The following FEZ1 variants were observed in gnomAD, a reference collection of about 807,000 sequenced individuals.
FEZ1 encodes fasciculation and elongation protein zeta-1.
A neutral mutation model predicts 49.3 loss-of-function variants in FEZ1; 20 were observed. The ratio of observed to expected loss-of-function variants is 0.41; its 90% CI spans 0.29 to 0.59. The LOEUF is 0.59. FEZ1 is among the 20% of genes least tolerant of loss of function. The pLI is 0.36. For synonymous variants in FEZ1, 170 were observed against 180.9 expected (o/e 0.94, Z 0.48); for missense variants, 413 against 476.0 (o/e 0.87, Z 1.23).
At chr11:125,448,435 G>T in intron 9 of FEZ1, 67 bp downstream of exon 9, 3 of 1,074,456 alleles carry the variant, frequency 2.8e-6, no homozygotes, top group Non-Finnish European at 4.3e-6. Flanking sequence ...AGCTGGGAAG[G>T]TTCCCTAACT....
rs961586714 is a variant in FEZ1, at chr11:125,445,080, C to A, written c.*1015G>T. Among the ~76,000 whole-genome samples the A allele has an allele frequency of 1.3e-5, 2 of 152,178 alleles. No individual in the cohort carries two copies. Among genetic ancestry groups the A allele is most frequent in the South Asian group, 2.1e-4 (1 of 4,830 alleles). Reference sequence around the variant, plus strand: ...AGCCAGCATCCGGGATACGAGGAGACCTTCGCCTGCTGGTTGGTCAAGGCT... The same window carrying A: ...AGCCAGCATCCGGGATACGAGGAGAACTTCGCCTGCTGGTTGGTCAAGGCT... On this transcript the variant is annotated 3_prime_UTR_variant, in exon 10 of 10. Transcript: ENST00000278919. The surrounding 1 kb of genome is among the most constrained non-coding windows in gnomAD (Gnocchi z 4.4).
intron 2 of FEZ1, among the ~76,000 whole-genome samples, chr11:125,487,380 G>C (rs1489481965): frequency 2.6e-5 from 4 of 152,168 alleles, no homozygotes; most frequent in Non-Finnish European, 1.5e-5. Flanking sequence ...CAGTCAACCA[G>C]GGTTAAATGA....
At chr11:125,462,842 T>A (rs1198121648) in intron 4 of FEZ1, among the ~76,000 whole-genome samples, 1 of 148,270 alleles carries the variant, frequency 6.7e-6, no homozygotes, top group Non-Finnish European at 1.5e-5. Context: ...CCACTAAAAG[T>A]ACAGAAAATT....
At chr11:125,478,129 G>C (rs556502138) in intron 3 of FEZ1, among the ~76,000 whole-genome samples, 1 of 152,314 alleles carries the variant, frequency 6.6e-6, no homozygotes, top group African/African-American at 2.4e-5. Flanking sequence ...AAACAGGTTT[G>C]GGGACAACTG....
chr11:125,482,692 C>T (rs548731439), intron 2 of FEZ1, among the ~76,000 whole-genome samples: 15 of 152,166 alleles, frequency 9.9e-5, no homozygotes, highest in African/African-American at 3.4e-4. Flanking sequence ...AGGCCGGGCG[C>T]GATGGCTCAC....
intron 9 of FEZ1, 52 bp from the exon 10 acceptor site, chr11:125,446,163 G>A: frequency 6.3e-7 from 1 of 1,596,136 alleles, no homozygotes; most frequent in Non-Finnish European, 8.6e-7. Flanking sequence ...TTGCAGGTGG[G>A]GACCTCCGAG....
intron 4 of FEZ1, among the ~76,000 whole-genome samples, chr11:125,461,490 C>A (rs920393677): frequency 9.2e-5 from 14 of 152,064 alleles, no homozygotes; most frequent in Non-Finnish European, 1.9e-4. Context: ...GTCTGTAGTC[C>A]ATGTTACTTG....
At position 125,483,860 on chromosome 11, in the gene FEZ1, A is replaced by C. The variant is rs546673003; in HGVS notation, c.312-2227T>G. ...AGACTATTTACATCCTTAAAGTGAT[A>C]AGCAGGGGCTCTCTCGGGATCATTT... On this transcript the variant is annotated intron_variant, in intron 2 of 9. Transcript: ENST00000278919. 7.9e-5 allele frequency among the ~76,000 whole-genome samples: 12 copies of C among 152,330 alleles called. 1 individual carries two copies. In the South Asian group the frequency reaches 2.5e-3, roughly 32 times the overall value.
rs1313675429 is a variant in FEZ1, at chr11:125,457,425, A to AT, written c.668-1320_668-1319insA. Among the ~76,000 whole-genome samples the AT allele has an allele frequency of 3.3e-3, 109 of 32,798 alleles. 1 individual carries two copies. Among genetic ancestry groups the AT allele is most frequent in the African/African-American group, 0.01 (90 of 8,618 alleles). The allele number at this position is 32,798 out of a possible 152,430, so 21.5% of individuals were successfully genotyped here. On this transcript the variant is annotated intron_variant, in intron 5 of 9. Transcript: ENST00000278919. ...CTTTAAAAAAAAAAAAAAAAAAAAAAAAAAATATATATATATATATATATA... is the reference window on the plus strand; with the variant it reads ...CTTTAAAAAAAAAAAAAAAAAAAAAATAAAAATATATATATATATATATATA...
In FEZ1 at chr11:125,452,371, A is replaced by G; in HGVS notation, c.1059T>C (p.Ser353=). The G allele has an allele frequency of 1.2e-6, 2 of 1,613,384 alleles. No individual in the cohort carries two copies. The highest frequency in any genetic ancestry group is 8.5e-7 in the Non-Finnish European group (1 of 1,179,304). ...TCTGCAGGTCTTCCACTGAGGGAGG[A>G]GAGGCTTTCTTCTCGTAAGGAATGA... The part of the protein sequence containing the change: ...NTVIPYEKKA[S]PPSVEDLQML... The change falls in exon 8 of 10, where the codon TCT becomes TCC. Residue 353 remains serine, a synonymous_variant. Coordinates refer to ENST00000278919, the MANE Select transcript of FEZ1 (RefSeq NM_005103.5).
At chr11:125,461,108 G>A (rs1466499506) in intron 4 of FEZ1, among the ~76,000 whole-genome samples, 1 of 152,130 alleles carries the variant, frequency 6.6e-6, no homozygotes, top group East Asian at 1.9e-4. Context: ...AAATGGGGAG[G>A]AAAACAACTA....
Position 125,489,911 on chromosome 11 carries a change from C to T in FEZ1, c.-45-89G>A, listed in dbSNP as rs924274403. 2.5e-6 allele frequency: 3 copies of T among 1,205,978 alleles called. No homozygotes were observed. Among genetic ancestry groups the T allele is most frequent in the Admixed American group, 3.5e-5 (1 of 28,240 alleles). 74.7% of individuals were successfully genotyped at this position (1,205,978 alleles called of 1,614,324 possible). On this transcript the variant is annotated intron_variant, in intron 1 of 9. Coordinates refer to ENST00000278919, the MANE Select transcript of FEZ1 (RefSeq NM_005103.5). The surrounding 1 kb of genome is among the most constrained non-coding windows in gnomAD (Gnocchi z 4.2). ...TTAGAGACACACCTGCTTCCAATTCCCTACTCCAAAAAACAAGGCACTGGT... is the reference window on the plus strand; with the variant it reads ...TTAGAGACACACCTGCTTCCAATTCTCTACTCCAAAAAACAAGGCACTGGT...
intron 3 of FEZ1, among the ~76,000 whole-genome samples, chr11:125,475,078 T>C (rs920315558): frequency 2.2e-4 from 34 of 152,226 alleles, no homozygotes; most frequent in Admixed American, 2.0e-3. Flanking sequence ...AAGACCATCC[T>C]AGGCAACATG....
At chr11:125,473,344 T>C (rs899137208) in intron 3 of FEZ1, among the ~76,000 whole-genome samples, 1 of 152,214 alleles carries the variant, frequency 6.6e-6, no homozygotes, top group South Asian at 2.1e-4. Context: ...AATAGCCATA[T>C]GCAGAAAAAT....
At chr11:125,490,959 G>A (rs908710296) in intron 1 of FEZ1, among the ~76,000 whole-genome samples, 2 of 152,024 alleles carry the variant, frequency 1.3e-5, no homozygotes, top group Non-Finnish European at 2.9e-5. Context: ...TCACCATGTT[G>A]GCCAGGCTGG....
rs551135280 is a variant in FEZ1 at position 125,480,981 on chromosome 11, G to A, written c.411+553C>T. On this transcript the variant is annotated intron_variant, in intron 3 of 9. Coordinates refer to ENST00000278919, the MANE Select transcript of FEZ1 (RefSeq NM_005103.5). ...TTGAACCCGGGAGGCGAAGGTTGCA[G>A]TGAGCCGAGATCGTGCCACTGCACT... is the stretch of plus-strand genomic sequence containing the variant. 3.9e-5 allele frequency among the ~76,000 whole-genome samples: 6 copies of A among 151,922 alleles called. No homozygotes were observed. In the East Asian group the frequency reaches 1.2e-3, roughly 29 times the overall value.
At chr11:125,455,740 A>C in intron 6 of FEZ1, 95 bp downstream of exon 6, 1 of 1,298,806 alleles carries the variant, frequency 7.7e-7, no homozygotes, top group Non-Finnish European at 1.1e-6. Flanking sequence ...CTGCTCGGTA[A>C]ACGTTGATGA....
intron 1 of FEZ1, among the ~76,000 whole-genome samples, chr11:125,493,497 A>C (rs773259108): frequency 3.3e-5 from 3 of 90,320 alleles, no homozygotes; most frequent in African/African-American, 1.4e-4. Flanking sequence ...AAGGAAAGAA[A>C]GAAAGAAAGA....
At chr11:125,454,301 T>C (rs1222552756) in intron 6 of FEZ1, 91 bp from the exon 7 acceptor site, 1 of 910,498 alleles carries the variant, frequency 1.1e-6, no homozygotes, top group African/African-American at 1.6e-5. Context: ...CTGTCCCAGA[T>C]AACGCCCCAG....
Sources: allele counts gnomAD v4.1 joint callset (sites outside exome capture counted in the v4.1 genomes callset), GRCh38; gene constraint gnomAD v4.1.1; non-coding constraint Gnocchi (gnomAD v3.1); transcripts MANE v1.5; gene names NCBI Gene and HGNC (gene_info 2026-07-23, HGNC 2026-07-21).